Variants in NOTCH1 observed in about 807,000 individuals in gnomAD.
The protein encoded by NOTCH1 is neurogenic locus notch homolog protein 1.
NOTCH1 carries 37 observed loss-of-function variants against 254.8 expected under a neutral mutation model. That is an observed-to-expected ratio of 0.15 (90% CI 0.11 to 0.19). The LOEUF is 0.19. NOTCH1 is among the 10% of genes least tolerant of loss of function. NOTCH1 has a pLI of 1.00. For missense variants in NOTCH1, 2,972 were observed against 3,708.6 expected, an observed-to-expected ratio of 0.80 and a Z score of 5.16; for synonymous variants, 1,731 against 1,618.1, an observed-to-expected ratio of 1.07 and a Z score of -1.68.
Position 136,501,885 on chromosome 9 carries a change from A to G in NOTCH1, c.5501T>C (p.Leu1834Pro), listed in dbSNP as rs991135448. ...CTGCCGGTGGTCTGTCTGGTCGTCC[A>G]GGTCAGGCAGAACCACGGGCTCCTC... is the stretch of plus-strand genomic sequence containing the variant. ...RFEEPVVLPD[L>P]DDQTDHRQWT... Residue 1834 changes from leucine to proline, a missense_variant, in exon 30 of 34, where the codon CTG (leucine) becomes CCG (proline). Leu to Pro is a moderately conservative substitution (Grantham distance 98). This residue lies in a region of NOTCH1 where 421 missense variants were observed against 604.4 expected (regional missense o/e 0.70). Transcript: ENST00000651671. 3.1e-6 allele frequency: 5 copies of G among 1,612,272 alleles called. No homozygotes were observed. The highest frequency in any genetic ancestry group is 4.2e-6 in the Non-Finnish European group (5 of 1,179,982).
chr9:136,535,413 G>A (rs559220161), intron 2 of NOTCH1, among the ~76,000 whole-genome samples: 30 of 151,950 alleles, frequency 2.0e-4, no homozygotes, highest in Non-Finnish European at 1.9e-4. Context: ...GGGTTCAGAG[G>A]TGAGGCCTCT....
intron 2 of NOTCH1, among the ~76,000 whole-genome samples, chr9:136,529,993 GGGGCCCTGCCCTGGCTCCCA>G (rs140331258): frequency 0.19 from 28,743 of 152,274 alleles, 2,925 homozygotes; most frequent in South Asian, 0.29. Flanking sequence ...AAGCTGCACG[GGGGCCCTGCCCTGGCTCCCA>G]GGGCCCCAGG....
At chr9:136,500,526 T>A (rs2133325294) in intron 31 of NOTCH1, 26 bp downstream of exon 31, 2 of 1,607,580 alleles carry the variant, frequency 1.2e-6, no homozygotes, top group South Asian at 2.2e-5. Context: ...GGAGGGCAGG[T>A]GGGCACACAG....
intron 33 of NOTCH1, among the ~76,000 whole-genome samples, chr9:136,498,461 C>T (rs1199985886): frequency 2.0e-5 from 3 of 152,296 alleles, no homozygotes; most frequent in Non-Finnish European, 2.9e-5. Flanking sequence ...AGGGAGCTGC[C>T]GCCACGCGTG....
intron 33 of NOTCH1, 53 bp from the exon 34 acceptor site, chr9:136,497,611 C>A (rs929861513): frequency 3.6e-5 from 53 of 1,466,626 alleles, no homozygotes; most frequent in Non-Finnish European, 5.5e-6. Context: ...GCGTGGGGAC[C>A]CTCCCCAAGG....
chr9:136,512,790 C>G (rs77403287), intron 15 of NOTCH1, among the ~76,000 whole-genome samples: 6 of 152,144 alleles, frequency 3.9e-5, no homozygotes, highest in Non-Finnish European at 8.8e-5. Context: ...ACCCCACCCC[C>G]GGGAGAAGGC....
chr9:136,521,942 G>A (rs1307738758), intron 4 of NOTCH1, among the ~76,000 whole-genome samples: 7 of 151,566 alleles, frequency 4.6e-5, no homozygotes, highest in Admixed American at 2.6e-4. Context: ...GCCATTCTGT[G>A]CAGCTGAGAT....
At position 136,496,662 on chromosome 9, in the gene NOTCH1, C is replaced by T; in HGVS notation, c.7077G>A (p.Leu2359=). ...GGCCCTGGTAGCTCATCATCTGGGA[C>T]AGGGCGCTGGCAGCAAGGCTACTGT... The part of the protein sequence containing the change: ...PLHSSLAASA[L]SQMMSYQGLP... Residue 2359 remains leucine, a synonymous_variant, in exon 34 of 34, where the codon CTG becomes CTA. Transcript: ENST00000651671. 6.2e-7 allele frequency: 1 copy of T among 1,613,046 alleles called. No homozygotes were observed. Among genetic ancestry groups the T allele is most frequent in the Non-Finnish European group, 8.5e-7 (1 of 1,179,948 alleles).
In NOTCH1 at chr9:136,494,647, G is replaced by A. The variant is rs180920763; in HGVS notation, c.*1424C>T. 5.3e-5 allele frequency: 21 copies of A among 398,796 alleles called. No homozygotes were observed. The South Asian group carries it at 1.5e-3, about 29-fold the overall frequency. 24.7% of individuals were successfully genotyped at this position (398,796 alleles called of 1,614,324 possible). On this transcript the variant is annotated 3_prime_UTR_variant, in exon 34 of 34. Coordinates refer to ENST00000651671, the MANE Select transcript of NOTCH1 (RefSeq NM_017617.5). Reference sequence around the variant, plus strand: ...GGCACCACGCGGCCCCCGTAGAGCCGGGGGAGGCTGCCCTGAGGAGTGCAG... The same window carrying A: ...GGCACCACGCGGCCCCCGTAGAGCCAGGGGAGGCTGCCCTGAGGAGTGCAG...
At position 136,503,254 on chromosome 9, in the gene NOTCH1, C is replaced by T; in HGVS notation, c.5095G>A (p.Val1699Met). Reference protein sequence around the residue: ...SSQCFQSATDVAAFLGALASL... With the variant: ...SSQCFQSATDMAAFLGALASL... ...GCGAGCGCTCCCAGGAATGCGGCCACGTCGGTGGCACTCTGGAAGCACTGC... is the reference window on the plus strand; with the variant it reads ...GCGAGCGCTCCCAGGAATGCGGCCATGTCGGTGGCACTCTGGAAGCACTGC... Residue 1699 changes from valine to methionine, a missense_variant, in exon 27 of 34, where the codon GTG becomes ATG. Coordinates refer to ENST00000651671, the MANE Select transcript of NOTCH1 (RefSeq NM_017617.5). The T allele has an allele frequency of 6.2e-7, 1 of 1,612,942 alleles. No homozygotes were observed. The highest frequency in any genetic ancestry group is 8.5e-7 in the Non-Finnish European group (1 of 1,179,942).
rs765031085 is a variant in NOTCH1, at chr9:136,517,744, C to T, written c.1441+8G>A. 2.4e-5 allele frequency: 39 copies of T among 1,612,400 alleles called. No individual in the cohort carries two copies. The highest frequency in any genetic ancestry group is 1.0e-4 in the Admixed American group (6 of 59,994). ...CTCGGTTTCCCGCCCTGGCCCCGGC[C>T]GACGCACCGGGCATGCAGATGCACT... On this transcript the variant is annotated splice_region_variant and intron_variant, in intron 8 of 33. Transcript: ENST00000651671.
chr9:136,530,100 C>T (rs979678391), intron 2 of NOTCH1, among the ~76,000 whole-genome samples: 6 of 152,164 alleles, frequency 3.9e-5, no homozygotes, highest in Non-Finnish European at 7.4e-5. Context: ...GCCGCCGCTC[C>T]GGAGACAGCG....
intron 2 of NOTCH1, among the ~76,000 whole-genome samples, chr9:136,534,235 C>T (rs1438618309): frequency 1.3e-5 from 2 of 152,222 alleles, no homozygotes; most frequent in Non-Finnish European, 2.9e-5. Flanking sequence ...GCGAGACTGG[C>T]CTCCTGTGCT....
chr9:136,502,231 C>T lies in NOTCH1; in HGVS notation c.5384+41G>A, dbSNP rs555719724. 11 of 1,596,956 alleles carry T rather than the reference C, an allele frequency of 6.9e-6. No homozygotes were observed. The African/African-American group carries it at 1.5e-4, about 21-fold the overall frequency. On this transcript the variant is annotated intron_variant, in intron 28 of 33. Transcript: ENST00000651671. ...GTGAGGATGCTCGGCCAGGTCCCACCTCCCACCGGGGACCCAGAAGCAGGG... is the reference window on the plus strand; with the variant it reads ...GTGAGGATGCTCGGCCAGGTCCCACTTCCCACCGGGGACCCAGAAGCAGGG...
rs774272941 is a variant in NOTCH1 at position 136,530,411 on chromosome 9, G to A, written c.141-6432C>T. Among the ~76,000 whole-genome samples, 84 of 152,352 alleles carry A rather than the reference G, an allele frequency of 5.5e-4. 1 individual carries two copies. Among genetic ancestry groups the A allele is most frequent in the South Asian group, 1.0e-3 (5 of 4,832 alleles). On this transcript the variant is annotated intron_variant, in intron 2 of 33. Transcript: ENST00000651671. Reference sequence around the variant, plus strand: ...GGGAAGCTACCTTTCCCGCAGCCGGGAAAACAATGCCCTCACCCGACATGG... The same window carrying A: ...GGGAAGCTACCTTTCCCGCAGCCGGAAAAACAATGCCCTCACCCGACATGG...
Position 136,502,739 on chromosome 9 carries a change from G to C in NOTCH1, c.5168-251C>G, listed in dbSNP as rs992407520. The C allele has an allele frequency of 9.9e-5, 57 of 573,862 alleles. 2 individuals are homozygous for C. In the South Asian group the frequency reaches 1.2e-3, roughly 12 times the overall value. The allele number at this position is 573,862 out of a possible 1,614,324, so 35.5% of individuals were successfully genotyped here. A position where few individuals can be genotyped will look rare whatever the true frequency, so the allele number is the denominator to read the frequency against. On this transcript the variant is annotated intron_variant, in intron 27 of 33. Coordinates refer to ENST00000651671, the MANE Select transcript of NOTCH1 (RefSeq NM_017617.5). ...TACTTTTTTCTCCTTTAAGGAAGGA[G>C]GATTAGTCAACTTCAAATCGCTGCA...
intron 2 of NOTCH1, among the ~76,000 whole-genome samples, chr9:136,524,639 C>CTTTTTTTTTTTTTTTTT (rs869128901): frequency 3.7e-5 from 2 of 54,410 alleles, no homozygotes; most frequent in African/African-American, 8.5e-5. Context: ...TTTTTCTTTT[C>CTTTTTTTTTTTTTTTTT]TTTTTTTTTT....
chr9:136,511,415 C>T, intron 15 of NOTCH1, 144 bp from the exon 16 acceptor site: 1 of 1,070,132 alleles, frequency 9.3e-7, no homozygotes. Flanking sequence ...CCCCTGAGCG[C>T]TCCCGGCTGT....
chr9:136,512,634 G>A (rs1016821838), intron 15 of NOTCH1, among the ~76,000 whole-genome samples: 4 of 152,164 alleles, frequency 2.6e-5, no homozygotes, highest in African/African-American at 7.2e-5. Flanking sequence ...GGTGGGCGCC[G>A]GGAGCACGGA....
Sources: gnomAD v4.1 joint callset for allele counts (sites outside exome capture counted in the v4.1 genomes callset) on GRCh38, gnomAD v4.1.1 for gene constraint, gnomAD v4.1.1 regional missense constraint, MANE v1.5 for transcripts, NCBI Gene and HGNC (gene_info 2026-07-23, HGNC 2026-07-21) for gene names.